The following GALNT10 variants were observed in gnomAD, a reference collection of about 807,000 sequenced individuals.
The protein encoded by GALNT10 is polypeptide N-acetylgalactosaminyltransferase 10.
Under a neutral mutation model 75.0 loss-of-function variants are expected in GALNT10, and 41 were observed. That is an observed-to-expected ratio of 0.55 (90% CI 0.43 to 0.71). GALNT10 has a LOEUF of 0.71. GALNT10 is among the 30% of genes least tolerant of loss of function. The pLI is 0.00. For missense variants in GALNT10, 727 were observed against 818.5 expected, an observed-to-expected ratio of 0.89 and a Z score of 1.36; for synonymous variants, 302 against 313.0, an observed-to-expected ratio of 0.96 and a Z score of 0.37.
intron 1 of GALNT10, among the ~76,000 whole-genome samples, chr5:154,196,010 C>T (rs976034275): frequency 3.3e-5 from 5 of 152,156 alleles, no homozygotes; most frequent in African/African-American, 9.7e-5. Flanking sequence ...GCAACCTCCA[C>T]CTCCCAGGTT....
rs577441202 is a variant in GALNT10 at position 154,336,700 on chromosome 5, A to G, written c.568+6962A>G. Among the ~76,000 whole-genome samples the G allele has an allele frequency of 3.3e-5, 5 of 152,128 alleles. No homozygotes were observed. The East Asian group carries it at 9.7e-4, about 29-fold the overall frequency. ...CCCAATTCCCCTCCAGTCCCACCCC[A>G]CTGAGGAAATTCATGTTTGCAGTCT... On this transcript the variant is annotated intron_variant, in intron 4 of 11. Transcript: ENST00000297107.
At chr5:154,394,051 CCACCGTCCT>C (rs1469213367) in intron 7 of GALNT10, among the ~76,000 whole-genome samples, 2 of 152,132 alleles carry the variant, frequency 1.3e-5, no homozygotes, top group African/African-American at 4.8e-5. Context: ...GAGGTGGGCC[CCACCGTCCT>C]TGGCAAAATG....
At chr5:154,245,672 C>A (rs981076284) in intron 1 of GALNT10, among the ~76,000 whole-genome samples, 16 of 151,910 alleles carry the variant, frequency 1.1e-4, no homozygotes, top group Middle Eastern at 3.2e-3. Flanking sequence ...AGCATTTAGT[C>A]TACCAGGTAA....
chr5:154,271,273 C>T (rs1446476408), intron 1 of GALNT10, among the ~76,000 whole-genome samples: 38 of 151,858 alleles, frequency 2.5e-4, no homozygotes, highest in Admixed American at 2.5e-3. Context: ...TCGAGACCAG[C>T]CTGACCAATA....
intron 7 of GALNT10, among the ~76,000 whole-genome samples, chr5:154,395,572 A>G (rs1269997465): frequency 6.6e-6 from 1 of 152,214 alleles, no homozygotes; most frequent in Non-Finnish European, 1.5e-5. Flanking sequence ...GCAGGAAGAC[A>G]AGAGTGGAAA....
At chr5:154,209,318 T>G (rs910722826) in intron 1 of GALNT10, among the ~76,000 whole-genome samples, 2 of 152,192 alleles carry the variant, frequency 1.3e-5, no homozygotes, top group African/African-American at 4.8e-5. Flanking sequence ...TACTAACCAC[T>G]GTTAACATCA....
At chr5:154,248,384 T>G (rs1489921197) in intron 1 of GALNT10, among the ~76,000 whole-genome samples, 1 of 152,206 alleles carries the variant, frequency 6.6e-6, no homozygotes, top group East Asian at 1.9e-4. Flanking sequence ...TCAGAAGGAA[T>G]GGTAACAGCT....
At chr5:154,201,465 A>G (rs573403717) in intron 1 of GALNT10, among the ~76,000 whole-genome samples, 1 of 152,188 alleles carries the variant, frequency 6.6e-6, no homozygotes, top group Non-Finnish European at 1.5e-5. Context: ...AGACTCACTT[A>G]TGTTTATATT....
intron 7 of GALNT10, among the ~76,000 whole-genome samples, chr5:154,391,738 G>A (rs183588244): frequency 7.2e-5 from 11 of 152,322 alleles, no homozygotes; most frequent in East Asian, 3.9e-4. Context: ...CCCTAAGGCC[G>A]GGCTGGATGC....
intron 1 of GALNT10, among the ~76,000 whole-genome samples, chr5:154,287,909 T>TGAGA (rs1754135709): frequency 7.2e-6 from 1 of 139,586 alleles, no homozygotes; most frequent in Admixed American, 7.2e-5. Context: ...TGTGTGTGTG[T>TGAGA]GTGTGAGAGA....
chr5:154,343,382 C>T (rs774264372), intron 4 of GALNT10, among the ~76,000 whole-genome samples: 1 of 152,192 alleles, frequency 6.6e-6, no homozygotes, highest in African/African-American at 2.4e-5. Flanking sequence ...CAGCTGACAT[C>T]TCTGGCCCAT....
intron 1 of GALNT10, among the ~76,000 whole-genome samples, chr5:154,226,190 A>AT (rs1487344935): frequency 2.0e-5 from 3 of 152,222 alleles, no homozygotes; most frequent in Non-Finnish European, 4.4e-5. Context: ...AAATTAATTA[A>AT]TTTTTTATAG....
intron 8 of GALNT10, among the ~76,000 whole-genome samples, chr5:154,408,338 T>A (rs1437660853): frequency 6.6e-6 from 1 of 152,104 alleles, no homozygotes; most frequent in East Asian, 1.9e-4. Flanking sequence ...TCAGAGGAAA[T>A]TTTAGATTGC....
Position 154,356,409 on chromosome 5 carries a change from T to C in GALNT10, c.569-19868T>C, listed in dbSNP as rs184493344. The C allele has an allele frequency of 6.4e-4, 203 of 316,922 alleles. 1 individual carries two copies. The highest frequency in any genetic ancestry group is 4.3e-3 in the African/African-American group (193 of 45,212). 19.6% of individuals were successfully genotyped at this position (316,922 alleles called of 1,614,324 possible). A position where few individuals can be genotyped will look rare whatever the true frequency, so the allele number is the denominator to read the frequency against. Reference sequence around the variant, plus strand: ...TGAGAAAGGCTCTGGGAGAGGGATCTGAGGTGTGGCAGGGCTGGGGGAGGG... The same window carrying C: ...TGAGAAAGGCTCTGGGAGAGGGATCCGAGGTGTGGCAGGGCTGGGGGAGGG... On this transcript the variant is annotated intron_variant, in intron 4 of 11. Coordinates refer to ENST00000297107, the MANE Select transcript of GALNT10 (RefSeq NM_198321.4).
In GALNT10 at chr5:154,380,627, T is replaced by C; in HGVS notation, c.934T>C (p.Phe312Leu). 1.2e-6 allele frequency: 2 copies of C among 1,609,896 alleles called. No individual in the cohort carries two copies. Among genetic ancestry groups the C allele is most frequent in the South Asian group, 1.1e-5 (1 of 90,836 alleles). ...ELQKADPSDP[F>L]ESPVMAGGLF... ...GCAGAAAGCTGACCCCAGCGACCCATTTGAGTAAGTATGAACAACCCTGGC... is the reference window on the plus strand; with the variant it reads ...GCAGAAAGCTGACCCCAGCGACCCACTTGAGTAAGTATGAACAACCCTGGC... Residue 312 changes from phenylalanine (F) to leucine (L), a missense_variant, in exon 6 of 12, where the codon TTT (phenylalanine) becomes CTT (leucine). Physicochemically the swap from Phe to Leu is conservative, Grantham distance 22. Transcript: ENST00000297107.
At chr5:154,217,199 G>A (rs866550716) in intron 1 of GALNT10, among the ~76,000 whole-genome samples, 6 of 152,036 alleles carry the variant, frequency 3.9e-5, no homozygotes, top group African/African-American at 7.2e-5. Context: ...CACCCTCTCC[G>A]TCTGTCTGGG....
At chr5:154,377,319 G>T (rs1478287769) in intron 5 of GALNT10, among the ~76,000 whole-genome samples, 7 of 152,334 alleles carry the variant, frequency 4.6e-5, no homozygotes, top group African/African-American at 1.7e-4. Context: ...CACAGCCAGG[G>T]CTGGAGGCAG....
At chr5:154,322,663 C>T (rs1419228552) in intron 3 of GALNT10, among the ~76,000 whole-genome samples, 1 of 152,150 alleles carries the variant, frequency 6.6e-6, no homozygotes, top group Non-Finnish European at 1.5e-5. Context: ...CCTGCCTGGT[C>T]CTCAGGTTCC....
At chr5:154,199,985 G>C (rs768969849) in intron 1 of GALNT10, among the ~76,000 whole-genome samples, 1 of 152,192 alleles carries the variant, frequency 6.6e-6, no homozygotes, top group South Asian at 2.1e-4. Context: ...CATATCCAGG[G>C]CCACGCAGCT....
Sources: allele counts gnomAD v4.1 joint callset (sites outside exome capture counted in the v4.1 genomes callset), GRCh38; gene constraint gnomAD v4.1.1; transcripts MANE v1.5; gene names NCBI Gene and HGNC (gene_info 2026-07-23, HGNC 2026-07-21).